RAPGEF2: variants seen among roughly 807,000 people sequenced by gnomAD.
RAPGEF2 encodes Rap guanine nucleotide exchange factor 2.
RAPGEF2 carries 54 observed loss-of-function variants against 186.7 expected under a neutral mutation model. That is an observed-to-expected ratio of 0.29 (90% confidence interval 0.23 to 0.36). The LOEUF (loss-of-function observed/expected upper bound fraction) is 0.36, where lower values mean the gene tolerates loss of function less well. RAPGEF2 is among the 10% of genes least tolerant of loss of function. RAPGEF2 has a pLI of 1.00. For missense variants in RAPGEF2, 1,532 were observed against 2,045.0 expected, an observed-to-expected ratio of 0.75 and a Z score of 4.84; for synonymous variants, 712 against 705.9, an observed-to-expected ratio of 1.01 and a Z score of -0.14.
At chr4:159,105,302 T>A (rs555411831) in intron 1 of RAPGEF2, among the ~76,000 whole-genome samples, 1 of 152,298 alleles carries the variant, frequency 6.6e-6, no homozygotes, top group South Asian at 2.1e-4. Flanking sequence ...TGCTTGAAAG[T>A]GTTGCTTCGC....
chr4:159,104,045 C>A lies in RAPGEF2; in HGVS notation c.-118C>A. Reference sequence around the variant, plus strand: ...CCGCGCCGCCGCCGCCGCGGTTTGGCTGATTAGTCGCGGGCGGGCGGGCGG... The same window carrying A: ...CCGCGCCGCCGCCGCCGCGGTTTGGATGATTAGTCGCGGGCGGGCGGGCGG... On this transcript the variant is annotated 5_prime_UTR_variant, in exon 1 of 30. In the 5' UTR this introduces an upstream ATG that the reference lacks. Coordinates refer to ENST00000691494, the MANE Select transcript of RAPGEF2 (RefSeq NM_001394067.2). The A allele has an allele frequency of 2.4e-6, 1 of 421,868 alleles. No individual in the cohort carries two copies. Among genetic ancestry groups the A allele is most frequent in the Non-Finnish European group, 3.3e-6 (1 of 306,740 alleles). 26.1% of individuals were successfully genotyped at this position (421,868 alleles called of 1,614,324 possible).
At chr4:159,334,415 A>G (rs372875561) in intron 17 of RAPGEF2, among the ~76,000 whole-genome samples, 1 of 151,876 alleles carries the variant, frequency 6.6e-6, no homozygotes, top group South Asian at 2.1e-4. Context: ...TGCTCGGCTA[A>G]TTTTTTTTAT....
intron 3 of RAPGEF2, among the ~76,000 whole-genome samples, chr4:159,198,376 TTTCCTTCC>T (rs70962661): frequency 2.4e-5 from 3 of 125,484 alleles, no homozygotes; most frequent in East Asian, 2.1e-4. Context: ...TTTTTCTTTC[TTTCCTTCC>T]TTCCTTCCTT....
At chr4:159,116,500 G>T (rs1028914045) in intron 1 of RAPGEF2, among the ~76,000 whole-genome samples, 1 of 152,146 alleles carries the variant, frequency 6.6e-6, no homozygotes. Context: ...AGACGGTGTG[G>T]TGATTCCTCA....
chr4:159,318,433 G>A (rs1321357867), intron 9 of RAPGEF2, among the ~76,000 whole-genome samples: 1 of 152,150 alleles, frequency 6.6e-6, no homozygotes. Context: ...TGCAAAAAAG[G>A]GACAGATTAT....
At chr4:159,119,248 G>A (rs1047312466) in intron 1 of RAPGEF2, among the ~76,000 whole-genome samples, 15 of 152,242 alleles carry the variant, frequency 9.9e-5, no homozygotes, top group African/African-American at 3.6e-4. Flanking sequence ...TATTTAGCAA[G>A]CAATGTTAGT....
At chr4:159,310,331 C>G (rs1489116839) in intron 8 of RAPGEF2, among the ~76,000 whole-genome samples, 1 of 152,022 alleles carries the variant, frequency 6.6e-6, no homozygotes, top group Admixed American at 6.6e-5. Context: ...ACATTAAGAG[C>G]TTTAAAAAAT....
At chr4:159,338,277 T>C in intron 17 of RAPGEF2, 34 bp from the exon 18 acceptor site, 1 of 1,583,352 alleles carries the variant, frequency 6.3e-7, no homozygotes, top group South Asian at 1.1e-5. Context: ...CTTTTTAACT[T>C]GTTGATAATT....
intron 25 of RAPGEF2, among the ~76,000 whole-genome samples, chr4:159,348,242 A>AGATG (rs57748987): frequency 0.032 from 4,615 of 145,000 alleles, 115 homozygotes; most frequent in African/African-American, 0.068. Context: ...ATAGATAGAT[A>AGATG]GATGGATGGA....
rs59463532 is a variant in RAPGEF2 at position 159,330,265 on chromosome 4, ATGTGTGTGTG to A, written c.1303-47_1303-38del. 4.9e-5 allele frequency: 26 copies of A among 529,620 alleles called. No homozygotes were observed. The East Asian group carries it at 5.3e-4, about 11-fold the overall frequency. 32.8% of individuals were successfully genotyped at this position (529,620 alleles called of 1,614,324 possible). ...CATATATGTGTGTGTGTATATGTAT[ATGTGTGTGTG>A]TGTGTGTGTGTGTGTGTGTGTATAT... is the stretch of plus-strand genomic sequence containing the variant. On this transcript the variant is annotated intron_variant, in intron 12 of 29. Coordinates refer to ENST00000691494, the MANE Select transcript of RAPGEF2 (RefSeq NM_001394067.2).
intron 2 of RAPGEF2, among the ~76,000 whole-genome samples, chr4:159,190,566 C>T (rs147429121): frequency 6.6e-6 from 1 of 152,210 alleles, no homozygotes; most frequent in African/African-American, 2.4e-5. Context: ...AAGGCCATAC[C>T]CGAGACTGGG....
chr4:159,143,670 A>G (rs930616032), intron 1 of RAPGEF2, among the ~76,000 whole-genome samples: 8 of 152,152 alleles, frequency 5.3e-5, no homozygotes, highest in Non-Finnish European at 1.2e-4. Flanking sequence ...AGCTGGATCA[A>G]ATGTTACATG....
rs893229603 is a variant in RAPGEF2, at chr4:159,320,570, T to C, written c.854-1777T>C. ...TGGACAGAATCTTTGGGTACACCTA[T>C]CATTATCATTTTCCTTATTGCCAGA... On this transcript the variant is annotated intron_variant, in intron 9 of 29. Coordinates refer to ENST00000691494, the MANE Select transcript of RAPGEF2 (RefSeq NM_001394067.2). 5.9e-5 allele frequency among the ~76,000 whole-genome samples: 9 copies of C among 152,280 alleles called. No homozygotes were observed. The South Asian group carries it at 6.2e-4, about 11-fold the overall frequency.
chr4:159,291,885 A>G (rs963456523), intron 7 of RAPGEF2, among the ~76,000 whole-genome samples: 1 of 152,142 alleles, frequency 6.6e-6, no homozygotes, highest in Non-Finnish European at 1.5e-5. Flanking sequence ...TCTTATCTCA[A>G]AAGTAATTCA....
chr4:159,252,516 T>C (rs542150123), intron 7 of RAPGEF2, among the ~76,000 whole-genome samples: 1 of 152,362 alleles, frequency 6.6e-6, no homozygotes, highest in African/African-American at 2.4e-5. Flanking sequence ...ATCGTTGATA[T>C]TCTTGATGTC....
chr4:159,227,627 A>G (rs1443948665), intron 4 of RAPGEF2, among the ~76,000 whole-genome samples: 1 of 152,206 alleles, frequency 6.6e-6, no homozygotes, highest in African/African-American at 2.4e-5. Flanking sequence ...GTTCTCTAGC[A>G]GTTTGGTCAC....
chr4:159,329,953 G>T lies in RAPGEF2; in HGVS notation c.1245G>T (p.Val415=). 1.2e-6 allele frequency: 2 copies of T among 1,613,230 alleles called. No individual in the cohort carries two copies. The highest frequency in any genetic ancestry group is 2.2e-5 in the South Asian group (2 of 91,004). The part of the protein sequence containing the change: ...KVEEEGEIVM[V]KEHRELDRTG... ...AAGAGGAAGGAGAGATTGTTATGGT[G>T]AAAGAACACCGAGAACTTGATCGAA... Residue 415 remains valine, a synonymous_variant, in exon 12 of 30, where the codon GTG becomes GTT. Transcript: ENST00000691494.
At chr4:159,163,066 T>C (rs555876761) in intron 1 of RAPGEF2, among the ~76,000 whole-genome samples, 3 of 152,318 alleles carry the variant, frequency 2.0e-5, no homozygotes, top group South Asian at 4.1e-4. Context: ...TGCTGAGCTT[T>C]GTAAAGGGCT....
In RAPGEF2 at chr4:159,241,227, A is replaced by G. The variant is rs1266159128; in HGVS notation, c.384A>G (p.Glu128=). ...IVVDYMDENE[E]YFQRQASHRQ... ...TGGACTATATGGATGAAAATGAAGA[A>G]TATTTTCAGCGGCAAGCTTCCCATA... is the stretch of plus-strand genomic sequence containing the variant. The change falls in exon 6 of 30, where the codon GAA becomes GAG. Residue 128 remains glutamate (E), a synonymous_variant. Coordinates refer to ENST00000691494, the MANE Select transcript of RAPGEF2 (RefSeq NM_001394067.2). 1 of 1,528,814 alleles carries G rather than the reference A, an allele frequency of 6.5e-7. No individual in the cohort carries two copies. Among genetic ancestry groups the G allele is most frequent in the Non-Finnish European group, 8.8e-7 (1 of 1,142,540 alleles). 94.7% of individuals were successfully genotyped at this position (1,528,814 alleles called of 1,614,324 possible).
Sources: allele counts gnomAD v4.1 joint callset (sites outside exome capture counted in the v4.1 genomes callset), GRCh38; gene constraint gnomAD v4.1.1; transcripts MANE v1.5; gene names NCBI Gene and HGNC (gene_info 2026-07-23, HGNC 2026-07-21).